SACS: variants seen among roughly 807,000 people sequenced by gnomAD.
The protein encoded by SACS is sacsin molecular chaperone.
In SACS, 197 loss-of-function variants were observed where a neutral mutation model predicts 348.0. That is an observed-to-expected ratio of 0.57 (90% CI 0.50 to 0.64). The LOEUF (loss-of-function observed/expected upper bound fraction) is 0.64. Among genes scored for constraint, SACS ranks in the 30% least tolerant of loss-of-function variants. The pLI is 0.00. For missense variants in SACS, 4,999 were observed against 5,360.8 expected, an observed-to-expected ratio of 0.93 and a Z score of 2.11; for synonymous variants, 1,985 against 1,910.6, an observed-to-expected ratio of 1.04 and a Z score of -1.02.
Position 23,337,497 on chromosome 13 carries a change from TA to T in SACS, c.6378del (p.Asp2128MetfsTer18). The T allele has an allele frequency of 6.2e-7, 1 of 1,613,892 alleles. No individual in the cohort carries two copies. Among genetic ancestry groups the T allele is most frequent in the Non-Finnish European group, 8.5e-7 (1 of 1,179,870 alleles). On this transcript the variant is annotated frameshift_variant, in exon 10 of 10. Coordinates refer to ENST00000382292, the MANE Select transcript of SACS (RefSeq NM_014363.6). LOFTEE classifies it high-confidence loss of function. Reference sequence around the variant, plus strand: ...GAACCATAAGGGAATCTCCCATCTTTAATATCAAATAACTTTGCAACTCGTC... The same window carrying T: ...GAACCATAAGGGAATCTCCCATCTTTATATCAAATAACTTTGCAACTCGTC... ...PEGRVAKLFD[I>X]KDGRFPYGST...
chr13:23,375,665 G>T, intron 2 of SACS: 1 of 588,390 alleles, frequency 1.7e-6, no homozygotes, highest in Non-Finnish European at 1.9e-6. Context: ...GCCAGGCCCC[G>T]CCCCCAGGGA....
rs78629788 is a variant in SACS, at chr13:23,355,426, T to C, written c.1186A>G (p.Asn396Asp). ...DAQKTSWLVCNSVGGRGISSK... is the reference protein window; with the variant it reads ...DAQKTSWLVCDSVGGRGISSK... ...CTGATCCCTCGCCCACCCACACTGT[T>C]ACACACCAACCAAGATGTTTTCTGT... Residue 396 changes from asparagine to aspartate, a missense_variant, in exon 8 of 10, where the codon AAC (asparagine) becomes GAC (aspartate). By Grantham distance (23) the Asn-to-Asp change is conservative (BLOSUM62 1). This residue lies in a region of SACS where 3,156 missense variants were observed against 3,380.1 expected (regional missense o/e 0.93). Coordinates refer to ENST00000382292, the MANE Select transcript of SACS (RefSeq NM_014363.6). 2.5e-6 allele frequency: 4 copies of C among 1,614,164 alleles called. No homozygotes were observed. In the East Asian group the frequency reaches 8.9e-5, roughly 36 times the overall value.
At chr13:23,380,148 T>TGAGA (rs1555257299) in intron 2 of SACS, among the ~76,000 whole-genome samples, 68 of 147,782 alleles carry the variant, frequency 4.6e-4, no homozygotes, top group Admixed American at 9.4e-4. Context: ...TGTGTGTGTG[T>TGAGA]GAGAGAGAGA....
chr13:23,357,983 AGTTT>A (rs1434941088), intron 7 of SACS, among the ~76,000 whole-genome samples: 5 of 152,198 alleles, frequency 3.3e-5, no homozygotes, highest in African/African-American at 9.6e-5. Context: ...TGTGATACTC[AGTTT>A]GTTTGACTTG....
Position 23,355,506 on chromosome 13 carries a change from G to A in SACS, c.1106C>T (p.Thr369Ile). The A allele has an allele frequency of 6.2e-7, 1 of 1,614,058 alleles. No homozygotes were observed. Among genetic ancestry groups the A allele is most frequent in the Non-Finnish European group, 8.5e-7 (1 of 1,179,992 alleles). ...AATATTTACGTGATATGTTACACAG[G>A]TGATGTTATTGCTTGGAGTCTTTTT... ...YCKKTPSNNI[T>I]CVTYHVNIVL... The change falls in exon 8 of 10, where the codon ACC (threonine) becomes ATC (isoleucine). Residue 369 changes from threonine to isoleucine, a missense_variant. By Grantham distance (89) the Thr-to-Ile change is moderately conservative. Transcript: ENST00000382292.
Position 23,355,244 on chromosome 13 carries a change from G to T in SACS, c.1368C>A (p.Ser456Arg). ...TGATGTGAACTGGGAGGCCTGTGCT[G>T]CTTTCCTCACCAGGTGGTAAAGGAA... ...CFLPLPPGEESSTGLPVHISG... is the reference protein window; with the variant it reads ...CFLPLPPGEERSTGLPVHISG... The change falls in exon 8 of 10, where the codon AGC becomes AGA. Residue 456 changes from serine to arginine, a missense_variant. Ser to Arg is a moderately radical substitution (Grantham distance 110). Transcript: ENST00000382292. 1 of 1,614,180 alleles carries T rather than the reference G, an allele frequency of 6.2e-7. No homozygotes were observed. Among genetic ancestry groups the T allele is most frequent in the Non-Finnish European group, 8.5e-7 (1 of 1,180,034 alleles).
chr13:23,356,681 G>A (rs574051230), intron 7 of SACS, among the ~76,000 whole-genome samples: 1 of 152,348 alleles, frequency 6.6e-6, no homozygotes, highest in South Asian at 2.1e-4. Flanking sequence ...AAAACCAGAT[G>A]TGTGAGACCC....
intron 5 of SACS, among the ~76,000 whole-genome samples, chr13:23,367,759 A>G (rs917568201): frequency 1.2e-4 from 18 of 151,872 alleles, no homozygotes; most frequent in Non-Finnish European, 1.6e-4. Context: ...ATGCCTGGCT[A>G]ATTTTTGTAC....
chr13:23,377,941 C>A (rs1271143422), intron 2 of SACS, among the ~76,000 whole-genome samples: 1 of 152,216 alleles, frequency 6.6e-6, no homozygotes, highest in Admixed American at 6.5e-5. Flanking sequence ...AGGCCAGATT[C>A]AATTACCATG....
chr13:23,399,452 G>A (rs1306795448), intron 2 of SACS, among the ~76,000 whole-genome samples: 9 of 151,832 alleles, frequency 5.9e-5, no homozygotes, highest in Admixed American at 1.3e-4. Flanking sequence ...TACCCTTCCC[G>A]CCTTTGCCGT....
In SACS at chr13:23,333,461, T is replaced by C. The variant is rs759801095; in HGVS notation, c.10415A>G (p.Asp3472Gly). 3.5e-5 allele frequency: 57 copies of C among 1,612,616 alleles called. No homozygotes were observed. Among genetic ancestry groups the C allele is most frequent in the Non-Finnish European group, 4.1e-5 (48 of 1,179,102 alleles). Reference sequence around the variant, plus strand: ...GTGTTTCAAATATACCTCAAGATCATCTACAGGTACACAACCAATCACCTC... The same window carrying C: ...GTGTTTCAAATATACCTCAAGATCACCTACAGGTACACAACCAATCACCTC... The part of the protein sequence containing the change: ...LYEVIGCVPV[D>G]DLEVYLKHLL... The change falls in exon 10 of 10, where the codon GAT (aspartate) becomes GGT (glycine). Residue 3472 changes from aspartate to glycine, a missense_variant. Asp to Gly is a moderately conservative substitution (Grantham distance 94, BLOSUM62 -1). Coordinates refer to ENST00000382292, the MANE Select transcript of SACS (RefSeq NM_014363.6).
At chr13:23,392,445 T>C (rs907110315) in intron 2 of SACS, among the ~76,000 whole-genome samples, 2 of 152,212 alleles carry the variant, frequency 1.3e-5, no homozygotes, top group African/African-American at 4.8e-5. Flanking sequence ...CTTTGGGGTG[T>C]GAGAGTCATT....
chr13:23,336,311 A>T lies in SACS; in HGVS notation c.7565T>A (p.Phe2522Tyr). The change falls in exon 10 of 10, where the codon TTT (phenylalanine) becomes TAT (tyrosine). Residue 2522 changes from phenylalanine (F) to tyrosine (Y), a missense_variant. This residue lies in a region of SACS where 3,156 missense variants were observed against 3,380.1 expected (regional missense o/e 0.93). Coordinates refer to ENST00000382292, the MANE Select transcript of SACS (RefSeq NM_014363.6). ...NVCFTTLGTE[F>Y]GQKEKLTSRI... ...GCTGGTCAATTTTTCTTTCTGCCCA[A>T]ATTCTGTGCCAAGTGTTGTAAAACA... 2 of 1,614,064 alleles carry T rather than the reference A, an allele frequency of 1.2e-6. No individual in the cohort carries two copies. Among genetic ancestry groups the T allele is most frequent in the Non-Finnish European group, 1.7e-6 (2 of 1,179,960 alleles).
chr13:23,337,667 G>T lies in SACS; in HGVS notation c.6209C>A (p.Ala2070Glu). Residue 2070 changes from alanine to glutamate, a missense_variant, in exon 10 of 10, where the codon GCA (alanine) becomes GAA (glutamate). This residue lies in a region of SACS where 3,156 missense variants were observed against 3,380.1 expected (regional missense o/e 0.93). Transcript: ENST00000382292. ...VFFPNIQEIE[A>E]ELRDPLMIFV... The stretch of plus-strand genomic sequence containing the variant: ...GATCATTAAAGGATCTCTAAGTTCT[G>T]CTTCAATTTCTTGAATATTTGGAAA... 6.2e-7 allele frequency: 1 copy of T among 1,613,022 alleles called. No individual in the cohort carries two copies. The highest frequency in any genetic ancestry group is 8.5e-7 in the Non-Finnish European group (1 of 1,179,734).
chr13:23,428,446 T>C (rs1051498515), intron 1 of SACS: 1 of 152,192 alleles, frequency 6.6e-6, no homozygotes, highest in East Asian at 1.9e-4. Context: ...AATAGACCTT[T>C]AAAGGTAAGG....
At chr13:23,351,793 G>C (rs924203243) in intron 9 of SACS, among the ~76,000 whole-genome samples, 1 of 152,074 alleles carries the variant, frequency 6.6e-6, no homozygotes, top group Non-Finnish European at 1.5e-5. Flanking sequence ...ACCCACACAT[G>C]ATGTGTGATT....
intron 9 of SACS, among the ~76,000 whole-genome samples, chr13:23,348,004 T>C (rs950523031): frequency 6.6e-6 from 1 of 152,194 alleles, no homozygotes; most frequent in Admixed American, 6.5e-5. Flanking sequence ...TAAATAAGTA[T>C]GAAAATTTTA....
intron 1 of SACS, among the ~76,000 whole-genome samples, chr13:23,432,210 G>T (rs1297197684): frequency 6.6e-6 from 1 of 152,154 alleles, no homozygotes; most frequent in Admixed American, 6.5e-5. Context: ...GCAAACCTTG[G>T]TCTTCAAGTT....
At position 23,341,346 on chromosome 13, in the gene SACS, C is replaced by T; in HGVS notation, c.2530G>A (p.Val844Ile). ...AGGACAAACCCTCCAAGTTTTTGTACAATGTCTGCTAAAAATTCTGGAAGC... is the reference window on the plus strand; with the variant it reads ...AGGACAAACCCTCCAAGTTTTTGTATAATGTCTGCTAAAAATTCTGGAAGC... The part of the protein sequence containing the change: ...AQLPEFLADI[V>I]QKLGGFVLKK... The change falls in exon 10 of 10, where the codon GTA becomes ATA. Residue 844 changes from valine (V) to isoleucine (I), a missense_variant. This residue lies in a region of SACS where 3,156 missense variants were observed against 3,380.1 expected (regional missense o/e 0.93). Transcript: ENST00000382292. 6.2e-7 allele frequency: 1 copy of T among 1,605,166 alleles called. No homozygotes were observed. Among genetic ancestry groups the T allele is most frequent in the East Asian group, 2.2e-5 (1 of 44,746 alleles).
Sources: allele counts gnomAD v4.1 joint callset (sites outside exome capture counted in the v4.1 genomes callset), GRCh38; gene constraint gnomAD v4.1.1; regional missense constraint gnomAD v4.1.1; transcripts MANE v1.5; gene names NCBI Gene and HGNC (gene_info 2026-07-23, HGNC 2026-07-21).